The following CNOT4 variants were observed in gnomAD, a reference collection of about 807,000 sequenced individuals.
The protein encoded by CNOT4 is CCR4-associated factor 4.
Under a neutral mutation model 73.8 loss-of-function variants are expected in CNOT4, and 8 were observed. The observed-to-expected ratio is 0.11, with a 90% CI of 0.06 to 0.20. The LOEUF (loss-of-function observed/expected upper bound fraction) is 0.20, where lower values mean the gene tolerates loss of function less well. CNOT4 is among the 10% of genes least tolerant of loss of function. The pLI, the probability that CNOT4 is intolerant of heterozygous loss-of-function variation, is 1.00. For missense variants in CNOT4, 564 were observed against 883.4 expected (o/e 0.64, Z 4.58); for synonymous variants, 293 against 321.1 (o/e 0.91, Z 0.94).
chr7:135,464,672 T>A (rs556926005), intron 1 of CNOT4, among the ~76,000 whole-genome samples: 1 of 152,092 alleles, frequency 6.6e-6, no homozygotes, highest in African/African-American at 2.4e-5. Flanking sequence ...TAAAAGTTTT[T>A]AAAAAAACTG....
intron 1 of CNOT4, among the ~76,000 whole-genome samples, chr7:135,447,095 T>A (rs562860485): frequency 2.1e-5 from 3 of 143,770 alleles, no homozygotes; most frequent in Non-Finnish European, 4.7e-5. Context: ...ATTTGATGAA[T>A]ACGTAAAAGA....
intron 10 of CNOT4, among the ~76,000 whole-genome samples, chr7:135,374,955 A>G (rs1485900914): frequency 6.6e-6 from 1 of 152,238 alleles, no homozygotes; most frequent in Non-Finnish European, 1.5e-5. Context: ...AAAAAGTAAC[A>G]TTAAGACCAT....
chr7:135,439,084 T>G (rs1799324510), intron 1 of CNOT4, among the ~76,000 whole-genome samples: 1 of 152,176 alleles, frequency 6.6e-6, no homozygotes, highest in Non-Finnish European at 1.5e-5. Context: ...GACCTTCATA[T>G]CACAAACACT....
intron 2 of CNOT4, among the ~76,000 whole-genome samples, chr7:135,428,277 C>T (rs958896800): frequency 3.3e-5 from 5 of 152,094 alleles, no homozygotes; most frequent in African/African-American, 4.8e-5. Flanking sequence ...CCACACTAGT[C>T]CTTGGGGAAC....
intron 1 of CNOT4, among the ~76,000 whole-genome samples, chr7:135,496,207 C>T (rs1803571847): frequency 6.6e-6 from 1 of 152,196 alleles, no homozygotes; most frequent in African/African-American, 2.4e-5. Context: ...ATTCTTATGC[C>T]TCAGCCTCCC....
chr7:135,509,030 G>C (rs1804556515), intron 1 of CNOT4: 1 of 152,188 alleles, frequency 6.6e-6, no homozygotes. Flanking sequence ...GGAGTAGCCT[G>C]AATAAAAGAT....
At chr7:135,389,370 A>G (rs1235313671) in intron 10 of CNOT4, among the ~76,000 whole-genome samples, 3 of 149,444 alleles carry the variant, frequency 2.0e-5, no homozygotes, top group Non-Finnish European at 4.4e-5. Flanking sequence ...AATGAAAGCT[A>G]TAAATATTAA....
intron 10 of CNOT4, among the ~76,000 whole-genome samples, chr7:135,390,217 A>T (rs532069024): frequency 5.3e-5 from 8 of 152,292 alleles, no homozygotes; most frequent in Admixed American, 4.6e-4. Context: ...ATCTTCATTT[A>T]TGAAGGAGGG....
intron 1 of CNOT4, among the ~76,000 whole-genome samples, chr7:135,495,685 AAAAAAAAAGAAAGAAAGAAAGAAAG>A (rs1803469574): frequency 5.5e-5 from 5 of 91,246 alleles, no homozygotes; most frequent in Non-Finnish European, 9.2e-5. Flanking sequence ...AAAAAAAAAA[AAAAAAAAAGAAAGAAAGAAAGAAAG>A]AAAGAAAGAA....
Position 135,363,207 on chromosome 7 carries a change from AG to A in CNOT4, c.1841-22del. 1 of 1,610,170 alleles carries A rather than the reference AG, an allele frequency of 6.2e-7. No individual in the cohort carries two copies. Among genetic ancestry groups the A allele is most frequent in the Non-Finnish European group, 8.5e-7 (1 of 1,178,082 alleles). ...AATACCTAAGGAGAGAAAAGAAAAA[AG>A]AGGGAAAATGGTGAGTTTGTGTGGA... On this transcript the variant is annotated intron_variant, in intron 11 of 11. Transcript: ENST00000541284. The surrounding 1 kb of genome is among the most constrained non-coding windows in gnomAD (Gnocchi z 4.3).
In CNOT4 at chr7:135,443,015, C is replaced by G. The variant is rs543239379; in HGVS notation, c.-92-4592G>C. Among the ~76,000 whole-genome samples, 2 of 151,882 alleles carry G rather than the reference C, an allele frequency of 1.3e-5. 1 individual carries two copies. The highest frequency in any genetic ancestry group is 1.3e-4 in the Admixed American group (2 of 15,230). ...TCGCGGCTGTAGTGAGCCATGTTCA[C>G]GCCACTGTACTCTAGCCTGGGTGAT... On this transcript the variant is annotated intron_variant, in intron 1 of 11. Transcript: ENST00000541284.
intron 1 of CNOT4, among the ~76,000 whole-genome samples, chr7:135,491,572 A>C (rs1393475864): frequency 6.6e-6 from 1 of 152,236 alleles, no homozygotes; most frequent in East Asian, 1.9e-4. Flanking sequence ...TAACAAAAGC[A>C]ATCTTAGCAC....
chr7:135,385,553 G>A (rs1321916717), intron 10 of CNOT4, among the ~76,000 whole-genome samples: 1 of 152,060 alleles, frequency 6.6e-6, no homozygotes, highest in Admixed American at 6.6e-5. Context: ...ACAGAAGGCT[G>A]TACTTAATTC....
chr7:135,409,652 T>C (rs1797488574), intron 7 of CNOT4, among the ~76,000 whole-genome samples: 1 of 152,016 alleles, frequency 6.6e-6, no homozygotes, highest in Non-Finnish European at 1.5e-5. Context: ...ACCTAGACAT[T>C]AGGACAACAT....
chr7:135,394,539 G>A, intron 9 of CNOT4, 124 bp from the exon 10 acceptor site: 1 of 762,470 alleles, frequency 1.3e-6, no homozygotes, highest in South Asian at 1.8e-5. Context: ...AAATCTATGT[G>A]ACTTCTTAGC....
At chr7:135,422,695 G>T (rs923561395) in intron 2 of CNOT4, among the ~76,000 whole-genome samples, 25 of 152,196 alleles carry the variant, frequency 1.6e-4, no homozygotes, top group African/African-American at 4.6e-4. Flanking sequence ...AAGAGGCAAG[G>T]AGTGTAAGTT....
At chr7:135,508,281 G>T (rs17481669) in intron 1 of CNOT4, among the ~76,000 whole-genome samples, 12,496 of 152,220 alleles carry the variant, frequency 0.082, 571 homozygotes, top group Middle Eastern at 0.12. Flanking sequence ...AGCCAGGGCT[G>T]CTTCTTCCCA....
At chr7:135,444,521 G>A (rs1799696941) in intron 1 of CNOT4, 7 of 1,071,576 alleles carry the variant, frequency 6.5e-6, no homozygotes, top group South Asian at 2.5e-5. Flanking sequence ...TGCTGTGAAC[G>A]CCAGTGGTCA....
At chr7:135,366,355 T>C (rs954595823) in intron 10 of CNOT4, among the ~76,000 whole-genome samples, 1 of 152,252 alleles carries the variant, frequency 6.6e-6, no homozygotes, top group African/African-American at 2.4e-5. Context: ...AGGGGTTATA[T>C]GACAATTCTC....
Sources: gnomAD v4.1 joint callset for allele counts (sites outside exome capture counted in the v4.1 genomes callset) on GRCh38, gnomAD v4.1.1 for gene constraint, Gnocchi (gnomAD v3.1) non-coding constraint, MANE v1.5 for transcripts, NCBI Gene and HGNC (gene_info 2026-07-23, HGNC 2026-07-21) for gene names.